CTNNAL1: variants seen among roughly 807,000 people sequenced by gnomAD.
The protein encoded by CTNNAL1 is catenin alpha like 1.
In CTNNAL1, 69 loss-of-function variants were observed where a neutral mutation model predicts 93.6. The observed-to-expected ratio is 0.74, with a 90% CI of 0.61 to 0.90. The LOEUF is 0.90. Ranked by LOEUF, CTNNAL1 falls within the 40% of genes least tolerant of loss-of-function variation. CTNNAL1 has a pLI of 0.00. For missense variants in CTNNAL1, 836 were observed against 862.0 expected, an observed-to-expected ratio of 0.97 and a Z score of 0.38; for synonymous variants, 286 against 305.4, an observed-to-expected ratio of 0.94 and a Z score of 0.66.
intron 14 of CTNNAL1, among the ~76,000 whole-genome samples, chr9:108,950,257 G>A (rs1830520921): frequency 6.6e-6 from 1 of 152,108 alleles, no homozygotes; most frequent in South Asian, 2.1e-4. Flanking sequence ...GTAAACACAG[G>A]AGTTCCATTT....
intron 15 of CTNNAL1, 107 bp from the exon 16 acceptor site, chr9:108,944,125 G>A (rs1430221838): frequency 9.1e-7 from 1 of 1,102,582 alleles, no homozygotes; most frequent in Non-Finnish European, 1.3e-6. Flanking sequence ...ATAAAGCCTA[G>A]ATATAAAAAG....
intron 8 of CTNNAL1, among the ~76,000 whole-genome samples, chr9:108,975,590 T>G (rs1044038711): frequency 6.6e-6 from 1 of 152,180 alleles, no homozygotes; most frequent in African/African-American, 2.4e-5. Context: ...TCTATCTAGT[T>G]GGAGCTGGGA....
At chr9:108,959,364 CAAAAA>C (rs36116094) in intron 11 of CTNNAL1, among the ~76,000 whole-genome samples, 2 of 55,844 alleles carry the variant, frequency 3.6e-5, no homozygotes, top group African/African-American at 8.2e-5. Flanking sequence ...GACTCCATAT[CAAAAA>C]AAAAAAAAAA....
At chr9:108,971,725 T>C (rs1831122099) in intron 9 of CTNNAL1, among the ~76,000 whole-genome samples, 1 of 152,328 alleles carries the variant, frequency 6.6e-6, no homozygotes, top group South Asian at 2.1e-4. Context: ...GTCTTGGGTA[T>C]GTCTTTATCA....
intron 11 of CTNNAL1, among the ~76,000 whole-genome samples, chr9:108,956,218 G>C (rs1830684969): frequency 6.6e-6 from 1 of 152,174 alleles, no homozygotes; most frequent in African/African-American, 2.4e-5. Flanking sequence ...ATTTCTGCAA[G>C]TACCAGACCA....
intron 10 of CTNNAL1, among the ~76,000 whole-genome samples, chr9:108,968,147 A>G (rs886314188): frequency 2.0e-5 from 3 of 152,214 alleles, no homozygotes; most frequent in African/African-American, 7.2e-5. Context: ...CCTCTCAACT[A>G]GTGTACAAAC....
intron 11 of CTNNAL1, among the ~76,000 whole-genome samples, chr9:108,959,720 G>C (rs949286850): frequency 2.0e-5 from 3 of 152,130 alleles, no homozygotes; most frequent in Non-Finnish European, 4.4e-5. Flanking sequence ...AATATACTTA[G>C]TACAGATCTG....
chr9:108,988,764 C>T lies in CTNNAL1; in HGVS notation c.639+1962G>A, dbSNP rs554542482. 2.6e-5 allele frequency among the ~76,000 whole-genome samples: 4 copies of T among 152,286 alleles called. No individual in the cohort carries two copies. In the East Asian group the frequency reaches 5.8e-4, roughly 22 times the overall value. On this transcript the variant is annotated intron_variant, in intron 4 of 18. Coordinates refer to ENST00000325551, the MANE Select transcript of CTNNAL1 (RefSeq NM_003798.4). ...TCCCACCCCTACTAAAACATAAGCTCCATGAGTGCAGAGGTTTTTGTCACT... is the reference window on the plus strand; with the variant it reads ...TCCCACCCCTACTAAAACATAAGCTTCATGAGTGCAGAGGTTTTTGTCACT...
chr9:109,003,536 G>A (rs1356474187), intron 1 of CTNNAL1, among the ~76,000 whole-genome samples: 1 of 152,190 alleles, frequency 6.6e-6, no homozygotes, highest in East Asian at 1.9e-4. Context: ...CTATTCCCAG[G>A]ACTTGAGTCT....
At chr9:108,958,910 T>G (rs1830753020) in intron 11 of CTNNAL1, among the ~76,000 whole-genome samples, 1 of 151,328 alleles carries the variant, frequency 6.6e-6, no homozygotes, top group African/African-American at 2.4e-5. Flanking sequence ...ATTATAGATG[T>G]TATTTCCATG....
intron 2 of CTNNAL1, among the ~76,000 whole-genome samples, chr9:108,993,659 G>C (rs566070095): frequency 1.3e-5 from 2 of 152,144 alleles, no homozygotes; most frequent in Admixed American, 6.5e-5. Flanking sequence ...AAGTATTCTT[G>C]TATTATAATA....
chr9:108,970,095 C>T (rs57877497), intron 10 of CTNNAL1, among the ~76,000 whole-genome samples: 2,024 of 152,276 alleles, frequency 0.013, 46 homozygotes, highest in African/African-American at 0.047. Context: ...TAACATATGG[C>T]TTCTTATGTC....
At chr9:108,942,869 ACT>A in intron 18 of CTNNAL1, 35 bp from the exon 19 acceptor site, 1 of 1,612,218 alleles carries the variant, frequency 6.2e-7, no homozygotes, top group South Asian at 1.1e-5. Flanking sequence ...ATCTGGTTTC[ACT>A]CTGAAAAAAA....
At chr9:108,984,484 C>T (rs1182657970) in intron 4 of CTNNAL1, 48 bp from the exon 5 acceptor site, 1 of 1,031,706 alleles carries the variant, frequency 9.7e-7, no homozygotes, top group South Asian at 1.4e-5. Context: ...ATGTGAACAA[C>T]CCAATTTCTT....
chr9:109,000,180 G>C lies in CTNNAL1; in HGVS notation c.142-924C>G, dbSNP rs1311403140. 3.5e-4 allele frequency among the ~76,000 whole-genome samples: 53 copies of C among 152,186 alleles called. 1 individual carries two copies. Among genetic ancestry groups the C allele is most frequent in the Admixed American group, 3.5e-3 (53 of 15,286 alleles). ...TCTTGGCTCGGCGATTACTTGCTAA[G>C]TGGTCTAGGGAAATTTAATATCTAA... On this transcript the variant is annotated intron_variant, in intron 1 of 18. Coordinates refer to ENST00000325551, the MANE Select transcript of CTNNAL1 (RefSeq NM_003798.4).
intron 11 of CTNNAL1, among the ~76,000 whole-genome samples, chr9:108,956,036 C>G (rs1236924687): frequency 3.9e-5 from 6 of 152,268 alleles, no homozygotes; most frequent in Admixed American, 3.3e-4. Context: ...TCTAAGGTAC[C>G]TATGCTGGTC....
intron 14 of CTNNAL1, among the ~76,000 whole-genome samples, chr9:108,951,680 G>A (rs1184753970): frequency 1.3e-5 from 2 of 152,114 alleles, no homozygotes; most frequent in Non-Finnish European, 2.9e-5. Flanking sequence ...ACATCAACAA[G>A]GCATTTGATC....
At chr9:109,010,705 A>G (rs1827179802) in intron 1 of CTNNAL1, among the ~76,000 whole-genome samples, 1 of 152,220 alleles carries the variant, frequency 6.6e-6, no homozygotes, top group Admixed American at 6.5e-5. Flanking sequence ...TATTGATAAA[A>G]TCTTGCATTC....
chr9:108,951,178 CTTT>C (rs75266025), intron 14 of CTNNAL1, among the ~76,000 whole-genome samples: 3 of 137,196 alleles, frequency 2.2e-5, no homozygotes, highest in Admixed American at 7.4e-5. Flanking sequence ...GCCCGGCTAA[CTTT>C]TTTTTTTTTT....
Sources: gnomAD v4.1 joint callset for allele counts (sites outside exome capture counted in the v4.1 genomes callset) on GRCh38, gnomAD v4.1.1 for gene constraint, MANE v1.5 for transcripts, NCBI Gene and HGNC (gene_info 2026-07-23, HGNC 2026-07-21) for gene names.